The following HS2ST1 variants were observed in gnomAD, a reference collection of about 807,000 sequenced individuals.
HS2ST1 encodes 2-O-sulfotransferase.
A neutral mutation model predicts 42.9 loss-of-function variants in HS2ST1; 18 were observed. The ratio of observed to expected loss-of-function variants is 0.42; its 90% CI spans 0.29 to 0.62. The LOEUF (loss-of-function observed/expected upper bound fraction) is 0.62. HS2ST1 is among the 20% of genes least tolerant of loss of function. HS2ST1 has a pLI of 0.21. For synonymous variants in HS2ST1, 146 were observed against 152.9 expected, an observed-to-expected ratio of 0.95 and a Z score of 0.33; for missense variants, 334 against 433.8, an observed-to-expected ratio of 0.77 and a Z score of 2.04.
At chr1:87,036,247 G>C (rs1650372844) in intron 1 of HS2ST1, among the ~76,000 whole-genome samples, 1 of 152,104 alleles carries the variant, frequency 6.6e-6, no homozygotes, top group African/African-American at 2.4e-5. Flanking sequence ...ATTGTGAGCA[G>C]TGCTGCAGTA....
chr1:86,998,009 C>T (rs1649156131), intron 1 of HS2ST1, among the ~76,000 whole-genome samples: 1 of 152,144 alleles, frequency 6.6e-6, no homozygotes, highest in Non-Finnish European at 1.5e-5. Context: ...TCATAATTGT[C>T]CACTATCTGA....
At chr1:86,968,017 G>A (rs763570566) in intron 1 of HS2ST1, among the ~76,000 whole-genome samples, 7 of 152,122 alleles carry the variant, frequency 4.6e-5, no homozygotes, top group South Asian at 2.1e-4. Context: ...ATCTCATTGC[G>A]GTGTTAATTT....
At chr1:87,051,202 C>G (rs1650821414) in intron 1 of HS2ST1, among the ~76,000 whole-genome samples, 1 of 151,968 alleles carries the variant, frequency 6.6e-6, no homozygotes, top group Non-Finnish European at 1.5e-5. Flanking sequence ...CCCAAAAAGT[C>G]ACGTTAATTC....
At chr1:87,032,174 A>C (rs1214910199) in intron 1 of HS2ST1, among the ~76,000 whole-genome samples, 5 of 152,212 alleles carry the variant, frequency 3.3e-5, no homozygotes, top group Non-Finnish European at 7.4e-5. Context: ...CAAATAATTC[A>C]TATGGAAAGG....
rs531317670 is a variant in HS2ST1, at chr1:86,967,192, G to T, written c.124+52032G>T. On this transcript the variant is annotated intron_variant, in intron 1 of 6. Transcript: ENST00000370550. ...AGGTGGGATTACAGCCACCATGCCC[G>T]GCTTATTTAGTCTTTGAAGGAGTAT... is the stretch of plus-strand genomic sequence containing the variant. Among the ~76,000 whole-genome samples, 3 of 152,182 alleles carry T rather than the reference G, an allele frequency of 2.0e-5. No individual in the cohort carries two copies. In the East Asian group the frequency reaches 5.8e-4, roughly 29 times the overall value.
chr1:86,922,469 A>G (rs921077601), intron 1 of HS2ST1, among the ~76,000 whole-genome samples: 2 of 143,054 alleles, frequency 1.4e-5, no homozygotes, highest in African/African-American at 5.4e-5. Flanking sequence ...ATGTGGTACC[A>G]TTTTTTTCAC....
intron 1 of HS2ST1, among the ~76,000 whole-genome samples, chr1:86,933,349 A>T (rs1334459077): frequency 6.6e-6 from 1 of 152,152 alleles, no homozygotes; most frequent in African/African-American, 2.4e-5. Context: ...GTTACTTTTT[A>T]AAAAAATTCT....
At chr1:87,016,337 G>C (rs1364731061) in intron 1 of HS2ST1, among the ~76,000 whole-genome samples, 1 of 152,142 alleles carries the variant, frequency 6.6e-6, no homozygotes, top group African/African-American at 2.4e-5. Context: ...CCTCCCATTA[G>C]AAACCTGGAT....
At position 87,098,004 on chromosome 1, in the gene HS2ST1, A is replaced by T; in HGVS notation, c.686+69A>T. ...ATCTCTGTAATCTGTGTTTCATTTC[A>T]CAAGGGCTAGATATAGGGAAATCGG... On this transcript the variant is annotated intron_variant, in intron 5 of 6. Transcript: ENST00000370550. 1.9e-6 allele frequency: 3 copies of T among 1,606,066 alleles called. 1 individual carries two copies. Among genetic ancestry groups the T allele is most frequent in the East Asian group, 4.5e-5 (2 of 44,606 alleles).
intron 1 of HS2ST1, among the ~76,000 whole-genome samples, chr1:86,941,084 CAA>C (rs2102175538): frequency 6.6e-6 from 1 of 152,258 alleles, no homozygotes; most frequent in African/African-American, 2.4e-5. Flanking sequence ...AGAACTGGAA[CAA>C]AATGATATTA....
intron 1 of HS2ST1, among the ~76,000 whole-genome samples, chr1:86,953,101 G>C (rs1397891711): frequency 6.6e-6 from 1 of 152,166 alleles, no homozygotes; most frequent in Non-Finnish European, 1.5e-5. Flanking sequence ...ATCTGCACTT[G>C]TTGCTTTACC....
At chr1:87,053,414 G>C (rs1231312847) in intron 1 of HS2ST1, among the ~76,000 whole-genome samples, 4 of 152,094 alleles carry the variant, frequency 2.6e-5, no homozygotes, top group African/African-American at 9.7e-5. Context: ...TAATATTTTA[G>C]CTGAATTACA....
intron 1 of HS2ST1, among the ~76,000 whole-genome samples, chr1:87,035,769 T>C (rs906929896): frequency 1.3e-5 from 2 of 152,174 alleles, no homozygotes; most frequent in African/African-American, 2.4e-5. Context: ...CTCCCAGTAT[T>C]GTTGTTTAAG....
chr1:86,974,765 TTC>T lies in HS2ST1; in HGVS notation c.124+59607_124+59608del, dbSNP rs1648344615. Among the ~76,000 whole-genome samples the T allele has an allele frequency of 2.0e-5, 3 of 152,334 alleles. No individual in the cohort carries two copies. In the South Asian group the frequency reaches 6.2e-4, roughly 32 times the overall value. The stretch of plus-strand genomic sequence containing the variant: ...CCCACACATTAAGACCCACTGGTGT[TTC>T]TGTGTGAGTATAGGAGAAAAACAAT... On this transcript the variant is annotated intron_variant, in intron 1 of 6. Transcript: ENST00000370550.
chr1:86,988,170 A>G (rs1648845770), intron 1 of HS2ST1, among the ~76,000 whole-genome samples: 1 of 152,214 alleles, frequency 6.6e-6, no homozygotes, highest in African/African-American at 2.4e-5. Context: ...CTGATGACTG[A>G]TGGAGCCATC....
At chr1:87,049,466 TTTTTG>T (rs1650779511) in intron 1 of HS2ST1, among the ~76,000 whole-genome samples, 1 of 152,092 alleles carries the variant, frequency 6.6e-6, no homozygotes, top group Non-Finnish European at 1.5e-5. Context: ...AATTTTGATG[TTTTTG>T]TTTTATTAGG....
At chr1:86,946,828 T>C (rs1647355756) in intron 1 of HS2ST1, among the ~76,000 whole-genome samples, 1 of 152,230 alleles carries the variant, frequency 6.6e-6, no homozygotes. Flanking sequence ...TTTGACTCAG[T>C]TACCATATAT....
At chr1:86,974,197 C>T (rs1175329444) in intron 1 of HS2ST1, among the ~76,000 whole-genome samples, 2 of 152,152 alleles carry the variant, frequency 1.3e-5, no homozygotes, top group African/African-American at 4.8e-5. Context: ...AGAAAGTCCA[C>T]ACCATAATTA....
intron 1 of HS2ST1, among the ~76,000 whole-genome samples, chr1:86,937,484 AGAT>A (rs1293593086): frequency 2.6e-5 from 4 of 152,194 alleles, no homozygotes; most frequent in Admixed American, 2.6e-4. Flanking sequence ...GATAACTTTA[AGAT>A]GATGTCAAAG....
Sources: gnomAD v4.1 joint callset for allele counts (sites outside exome capture counted in the v4.1 genomes callset) on GRCh38, gnomAD v4.1.1 for gene constraint, MANE v1.5 for transcripts, NCBI Gene and HGNC (gene_info 2026-07-23, HGNC 2026-07-21) for gene names.